GNG5: variants seen among roughly 807,000 people sequenced by gnomAD.
GNG5 encodes G protein subunit gamma 5, also known as guanine nucleotide-binding protein G(I)/G(S)/G(O) subunit gamma-5.
Under a neutral mutation model 6.2 loss-of-function variants are expected in GNG5, and 2 were observed. The observed-to-expected ratio is 0.32, with a 90% CI of 0.13 to 1.01. GNG5 has a LOEUF of 1.01. GNG5 is among the 50% of genes least tolerant of loss of function. The probability of loss-of-function intolerance (pLI) is 0.48; values close to 1 mark genes in which losing one functional copy is unlikely to be tolerated. For synonymous variants in GNG5, 24 were observed against 33.0 expected (o/e 0.73, Z 0.93); for missense variants, 57 against 80.2 (o/e 0.71, Z 1.10).
intron 3 of GNG5, among the ~76,000 whole-genome samples, chr1:84,500,538 A>AT: frequency 6.6e-6 from 1 of 152,362 alleles, no homozygotes; most frequent in South Asian, 2.1e-4. Context: ...ACAATCATTA[A>AT]TAAACCATAA....
At chr1:84,502,094 C>A in intron 2 of GNG5, 124 bp from the exon 3 acceptor site, 25 of 432,674 alleles carry the variant, frequency 5.8e-5, no homozygotes, top group East Asian at 1.9e-4. Flanking sequence ...AAAGAAGATA[C>A]TATATAATAA....
At chr1:84,504,424 A>G (rs3813607) in intron 2 of GNG5, among the ~76,000 whole-genome samples, 29,220 of 152,088 alleles carry the variant, frequency 0.19, 2,859 homozygotes, top group South Asian at 0.31. Flanking sequence ...AGTTTTGGGG[A>G]ATTAGGGGAG....
chr1:84,502,005 G>T (rs779597022), intron 2 of GNG5, 35 bp from the exon 3 acceptor site: 2 of 1,567,248 alleles, frequency 1.3e-6, no homozygotes, highest in Non-Finnish European at 1.8e-6. Flanking sequence ...AGTGCCAGAT[G>T]GTGAGAACAT....
chr1:84,506,155 C>T lies in GNG5; in HGVS notation c.-64G>A. ...GTCGTGGGCCGTGGGTCGGCGGGGC[C>T]AGACAACTCAGCGGCGCGCGGCGGG... On this transcript the variant is annotated 5_prime_UTR_variant, in exon 2 of 4. Coordinates refer to ENST00000370645, the MANE Select transcript of GNG5 (RefSeq NM_005274.3). The T allele has an allele frequency of 2.9e-6, 4 of 1,382,322 alleles. No individual in the cohort carries two copies. Among genetic ancestry groups the T allele is most frequent in the Non-Finnish European group, 3.9e-6 (4 of 1,012,738 alleles). 85.6% of individuals were successfully genotyped at this position (1,382,322 alleles called of 1,614,324 possible).
At position 84,501,707 on chromosome 1, in the gene GNG5, A is replaced by G. The variant is rs1341351397; in HGVS notation, c.*19+119T>C. On this transcript the variant is annotated intron_variant, in intron 3 of 3. Coordinates refer to ENST00000370645, the MANE Select transcript of GNG5 (RefSeq NM_005274.3). Reference sequence around the variant, plus strand: ...CTCACTTTCCTTGCAAAACAGAAAAATACTGGAAATGGAGGGCCAAAGGAA... The same window carrying G: ...CTCACTTTCCTTGCAAAACAGAAAAGTACTGGAAATGGAGGGCCAAAGGAA... The G allele has an allele frequency of 7.9e-6, 5 of 634,784 alleles. No individual in the cohort carries two copies. In the East Asian group the frequency reaches 1.4e-4, roughly 17 times the overall value. 39.3% of individuals were successfully genotyped at this position (634,784 alleles called of 1,614,324 possible).
chr1:84,505,033 T>C (rs1682142775), intron 2 of GNG5, among the ~76,000 whole-genome samples: 1 of 152,200 alleles, frequency 6.6e-6, no homozygotes, highest in Non-Finnish European at 1.5e-5. Flanking sequence ...GAGTATAAAA[T>C]CAAATCATCT....
At chr1:84,505,264 C>T (rs3813605) in intron 2 of GNG5, among the ~76,000 whole-genome samples, 27,442 of 152,084 alleles carry the variant, frequency 0.18, 2,559 homozygotes, top group South Asian at 0.31. Context: ...AAGACAAGGC[C>T]AATACTAACC....
At position 84,506,139 on chromosome 1, in the gene GNG5, C is replaced by G; in HGVS notation, c.-48G>C. The G allele has an allele frequency of 6.6e-7, 1 of 1,505,922 alleles. No individual in the cohort carries two copies. Among genetic ancestry groups the G allele is most frequent in the Middle Eastern group, 1.7e-4 (1 of 5,762 alleles). The allele number at this position is 1,505,922 out of a possible 1,614,324, so 93.3% of individuals were successfully genotyped here. ...ATTCGTGGGTCGGTGGGTCGTGGGC[C>G]GTGGGTCGGCGGGGCCAGACAACTC... On this transcript the variant is annotated 5_prime_UTR_variant, in exon 2 of 4. Coordinates refer to ENST00000370645, the MANE Select transcript of GNG5 (RefSeq NM_005274.3).
chr1:84,504,394 C>G (rs899991822), intron 2 of GNG5, among the ~76,000 whole-genome samples: 1 of 152,166 alleles, frequency 6.6e-6, no homozygotes, highest in African/African-American at 2.4e-5. Context: ...CAGAAGTCTA[C>G]TGAAGATTTA....
intron 2 of GNG5, among the ~76,000 whole-genome samples, chr1:84,504,861 T>A (rs759588611): frequency 7.9e-5 from 12 of 152,104 alleles, no homozygotes. Context: ...AATGGGAGAC[T>A]CTCTCTCAGG....
intron 2 of GNG5, among the ~76,000 whole-genome samples, chr1:84,504,492 G>A (rs960143822): frequency 6.6e-6 from 1 of 152,128 alleles, no homozygotes; most frequent in African/African-American, 2.4e-5. Context: ...AGAACCTCAT[G>A]TCATTTTCTT....
At chr1:84,500,811 A>G (rs1241775311) in intron 3 of GNG5, among the ~76,000 whole-genome samples, 3 of 152,188 alleles carry the variant, frequency 2.0e-5, no homozygotes, top group African/African-American at 7.2e-5. Context: ...TTAATTAAGG[A>G]GGGCACAACT....
rs2101895389 is a variant in GNG5, at chr1:84,506,146, C to A, written c.-55G>T. The A allele has an allele frequency of 6.8e-7, 1 of 1,477,842 alleles. No individual in the cohort carries two copies. The highest frequency in any genetic ancestry group is 1.2e-5 in the South Asian group (1 of 81,824). 91.5% of individuals were successfully genotyped at this position (1,477,842 alleles called of 1,614,324 possible). The stretch of plus-strand genomic sequence containing the variant: ...GGTCGGTGGGTCGTGGGCCGTGGGT[C>A]GGCGGGGCCAGACAACTCAGCGGCG... On this transcript the variant is annotated 5_prime_UTR_variant, in exon 2 of 4. Coordinates refer to ENST00000370645, the MANE Select transcript of GNG5 (RefSeq NM_005274.3).
intron 3 of GNG5, 48 bp downstream of exon 3, chr1:84,501,778 A>G: frequency 2.7e-6 from 3 of 1,095,640 alleles, no homozygotes; most frequent in South Asian, 1.3e-5. Flanking sequence ...AGAGAAGACT[A>G]GTTATTCCTA....
At chr1:84,503,492 G>A (rs1682099169) in intron 2 of GNG5, among the ~76,000 whole-genome samples, 1 of 152,122 alleles carries the variant, frequency 6.6e-6, no homozygotes, top group African/African-American at 2.4e-5. Context: ...CTATGTAAAA[G>A]AAGTATTTTT....
chr1:84,505,631 A>G (rs1373748612), intron 2 of GNG5, among the ~76,000 whole-genome samples: 1 of 152,240 alleles, frequency 6.6e-6, no homozygotes, highest in East Asian at 1.9e-4. Context: ...GATGAGAAAC[A>G]GGAGGCTGGC....
intron 2 of GNG5, among the ~76,000 whole-genome samples, chr1:84,504,418 T>C (rs975309456): frequency 3.3e-5 from 5 of 152,196 alleles, no homozygotes; most frequent in Admixed American, 2.0e-4. Flanking sequence ...AGGATCAGTT[T>C]TGGGGAATTA....
In GNG5 at chr1:84,501,962, C is replaced by T; in HGVS notation, c.90G>A (p.Gln30=). 3 of 1,612,236 alleles carry T rather than the reference C, an allele frequency of 1.9e-6. No individual in the cohort carries two copies. Among genetic ancestry groups the T allele is most frequent in the Non-Finnish European group, 2.5e-6 (3 of 1,178,444 alleles). Residue 30 remains glutamine (Q), a synonymous_variant, in exon 3 of 4, where the codon CAG becomes CAA. Transcript: ENST00000370645. ...EAGLNRVKVS[Q]AAADLKQFCL... ...AGAACTGTTTCAAGTCTGCAGCTGC[C>T]TGGGAAACCTATACATAACAAAGAG...
At chr1:84,504,658 A>T (rs997398698) in intron 2 of GNG5, among the ~76,000 whole-genome samples, 2 of 152,228 alleles carry the variant, frequency 1.3e-5, no homozygotes, top group African/African-American at 4.8e-5. Flanking sequence ...GCCAAGACTG[A>T]CTAGAAACCA....
Sources: gnomAD v4.1 joint callset for allele counts (sites outside exome capture counted in the v4.1 genomes callset) on GRCh38, gnomAD v4.1.1 for gene constraint, MANE v1.5 for transcripts, NCBI Gene and HGNC (gene_info 2026-07-23, HGNC 2026-07-21) for gene names.